The following CDC40 variants were observed in gnomAD, a reference collection of about 807,000 sequenced individuals.
The protein encoded by CDC40 is cell division cycle 40.
Under a neutral mutation model 80.6 loss-of-function variants are expected in CDC40, and 27 were observed. The ratio of observed to expected loss-of-function variants is 0.33; its 90% CI spans 0.25 to 0.46. The LOEUF is 0.46. Ranked by LOEUF, CDC40 falls within the 20% of genes least tolerant of loss-of-function variation. CDC40 has a pLI of 1.00. For synonymous variants in CDC40, 221 were observed against 232.6 expected (o/e 0.95, Z 0.45); for missense variants, 486 against 694.1 (o/e 0.70, Z 3.37).
chr6:110,210,101 T>C (rs1777616308), intron 5 of CDC40, among the ~76,000 whole-genome samples: 1 of 152,136 alleles, frequency 6.6e-6, no homozygotes, highest in South Asian at 2.1e-4. Flanking sequence ...TTGCCTTGTC[T>C]TTTTACTTGT....
chr6:110,211,740 T>G (rs1447466857), intron 6 of CDC40: 2 of 154,476 alleles, frequency 1.3e-5, no homozygotes, highest in Non-Finnish European at 2.9e-5. Context: ...TTGTTTTGTT[T>G]TAACTTCCTT....
intron 1 of CDC40, among the ~76,000 whole-genome samples, chr6:110,181,876 C>T (rs879487750): frequency 3.9e-5 from 6 of 152,206 alleles, no homozygotes; most frequent in Non-Finnish European, 7.3e-5. Flanking sequence ...TTTCTTGAAA[C>T]TTTCTCTCCG....
intron 4 of CDC40, 30 bp downstream of exon 4, chr6:110,207,619 T>C: frequency 3.7e-6 from 4 of 1,095,252 alleles, no homozygotes; most frequent in Non-Finnish European, 5.6e-6. Flanking sequence ...TGATATCATA[T>C]ATACCTACAC....
intron 10 of CDC40, among the ~76,000 whole-genome samples, chr6:110,219,063 C>A (rs1010252693): frequency 6.6e-6 from 1 of 152,126 alleles, no homozygotes; most frequent in African/African-American, 2.4e-5. Context: ...AGCATAATAT[C>A]TGAGATTCCC....
intron 9 of CDC40, among the ~76,000 whole-genome samples, chr6:110,215,611 G>A (rs934845517): frequency 1.3e-5 from 2 of 152,182 alleles, no homozygotes; most frequent in African/African-American, 2.4e-5. Flanking sequence ...AGACAAAAGC[G>A]GAGAAAAGTA....
At chr6:110,223,845 T>C (rs1315590306) in intron 12 of CDC40, among the ~76,000 whole-genome samples, 1 of 151,072 alleles carries the variant, frequency 6.6e-6, no homozygotes, top group Non-Finnish European at 1.5e-5. Flanking sequence ...TTGTTTTGTT[T>C]TGTTTGAGAC....
At chr6:110,223,296 G>A in intron 12 of CDC40, among the ~76,000 whole-genome samples, 1 of 152,116 alleles carries the variant, frequency 6.6e-6, no homozygotes, top group Non-Finnish European at 1.5e-5. Flanking sequence ...TGTTTGCTGG[G>A]CTGGTCACAA....
At chr6:110,194,869 G>A (rs1777398603) in intron 2 of CDC40, among the ~76,000 whole-genome samples, 1 of 152,108 alleles carries the variant, frequency 6.6e-6, no homozygotes, top group Non-Finnish European at 1.5e-5. Flanking sequence ...ATACATTGCT[G>A]TGTAATTAGT....
chr6:110,200,732 G>A (rs1777484080), intron 2 of CDC40, among the ~76,000 whole-genome samples: 2 of 152,226 alleles, frequency 1.3e-5, no homozygotes, highest in African/African-American at 4.8e-5. Flanking sequence ...TGATCCTAGG[G>A]CAGGTAAAAT....
chr6:110,214,174 C>T (rs6908812), intron 8 of CDC40, among the ~76,000 whole-genome samples: 2,281 of 152,086 alleles, frequency 0.015, 59 homozygotes, highest in African/African-American at 0.052. Context: ...AGTAAAAACC[C>T]CCATTTTACT....
intron 1 of CDC40, 80 bp downstream of exon 1, chr6:110,180,713 G>C (rs1777172023): frequency 5.0e-6 from 5 of 1,004,052 alleles, no homozygotes; most frequent in Non-Finnish European, 6.1e-6. Flanking sequence ...TAGGTACCGG[G>C]TTACCTCTTT....
At chr6:110,208,397 CT>C (rs1329205084) in intron 4 of CDC40, among the ~76,000 whole-genome samples, 1 of 152,110 alleles carries the variant, frequency 6.6e-6, no homozygotes, top group Non-Finnish European at 1.5e-5. Context: ...ACAAACCTTT[CT>C]TTTTCCAAGT....
chr6:110,195,263 C>T (rs1260727656), intron 2 of CDC40, among the ~76,000 whole-genome samples: 2 of 152,150 alleles, frequency 1.3e-5, no homozygotes, highest in African/African-American at 2.4e-5. Flanking sequence ...GATATAATCC[C>T]TCTCCTCAAG....
intron 9 of CDC40, 86 bp from the exon 10 acceptor site, chr6:110,217,616 T>G (rs928017359): frequency 2.7e-6 from 2 of 729,166 alleles, no homozygotes; most frequent in African/African-American, 3.5e-5. Context: ...TGCTTAGTGC[T>G]GTTTGTCTTT....
At chr6:110,202,262 A>G (rs1327582287) in intron 3 of CDC40, among the ~76,000 whole-genome samples, 1 of 152,184 alleles carries the variant, frequency 6.6e-6, no homozygotes, top group Non-Finnish European at 1.5e-5. Context: ...CCATGGTAAG[A>G]TTGTAATAGA....
chr6:110,183,726 TTAA>T (rs1440111729), intron 1 of CDC40, among the ~76,000 whole-genome samples: 2 of 152,226 alleles, frequency 1.3e-5, no homozygotes, highest in African/African-American at 4.8e-5. Flanking sequence ...TGTATTATGA[TTAA>T]TAGCAAGCAT....
intron 1 of CDC40, among the ~76,000 whole-genome samples, chr6:110,185,973 G>T (rs563109629): frequency 6.6e-6 from 1 of 152,138 alleles, no homozygotes; most frequent in Non-Finnish European, 1.5e-5. Context: ...CCCCTAGAAA[G>T]CACAGCACAT....
intron 2 of CDC40, among the ~76,000 whole-genome samples, chr6:110,194,929 G>A (rs537125168): frequency 9.9e-5 from 15 of 152,032 alleles, no homozygotes; most frequent in African/African-American, 2.4e-4. Context: ...TTTTTTTGTC[G>A]TTCTCTTTGT....
At chr6:110,221,671 A>C (rs1351530886) in intron 12 of CDC40, among the ~76,000 whole-genome samples, 2 of 152,224 alleles carry the variant, frequency 1.3e-5, no homozygotes, top group East Asian at 3.8e-4. Context: ...CAGGTTGATC[A>C]TACTCAAACT....
Sources: gnomAD v4.1 joint callset for allele counts (sites outside exome capture counted in the v4.1 genomes callset) on GRCh38, gnomAD v4.1.1 for gene constraint, MANE v1.5 for transcripts, NCBI Gene and HGNC (gene_info 2026-07-23, HGNC 2026-07-21) for gene names.